Variants in SGTB observed in about 807,000 individuals in gnomAD.
SGTB encodes small glutamine-rich tetratricopeptide repeat-containing protein beta.
A neutral mutation model predicts 43.9 loss-of-function variants in SGTB; 19 were observed. The observed-to-expected ratio is 0.43, with a 90% CI of 0.30 to 0.63. The LOEUF is 0.63. SGTB is among the 30% of genes least tolerant of loss of function. SGTB has a pLI of 0.12. For synonymous variants in SGTB, 116 were observed against 117.3 expected (o/e 0.99, Z 0.07); for missense variants, 304 against 358.9 (o/e 0.85, Z 1.24).
At chr5:65,671,657 G>C (rs1441880820) in intron 10 of SGTB, among the ~76,000 whole-genome samples, 1 of 39,974 alleles carries the variant, frequency 2.5e-5, no homozygotes, top group East Asian at 5.4e-4. Context: ...GGGTGGGGGT[G>C]GGGGGAAGCA....
intron 1 of SGTB, 57 bp from the exon 2 acceptor site, chr5:65,720,886 A>G (rs981527846): frequency 1.3e-6 from 2 of 1,543,294 alleles, no homozygotes; most frequent in Non-Finnish European, 1.7e-6. Context: ...CAGTCAGGAA[A>G]GTCATAAATT....
rs1008640993 is a variant in SGTB, at chr5:65,668,121, T to A, written c.*2125A>T. 1.3e-5 allele frequency: 2 copies of A among 151,822 alleles called. No individual in the cohort carries two copies. The highest frequency in any genetic ancestry group is 4.8e-5 in the African/African-American group (2 of 41,334). The allele number at this position is 151,822 out of a possible 1,614,324, so 9.4% of individuals were successfully genotyped here. ...GTGCCCGCCACCAAGCCAGGCTAAT[T>A]TTTGTATTTTCAGTAGAGGTGGGTT... On this transcript the variant is annotated 3_prime_UTR_variant, in exon 11 of 11. Transcript: ENST00000381007.
At chr5:65,703,955 G>A (rs927491959) in intron 5 of SGTB, among the ~76,000 whole-genome samples, 5 of 145,846 alleles carry the variant, frequency 3.4e-5, no homozygotes, top group South Asian at 2.2e-4. Flanking sequence ...GGAGAAGGGC[G>A]TGAACCCGGG....
intron 8 of SGTB, among the ~76,000 whole-genome samples, chr5:65,674,600 C>G (rs889449938): frequency 7.2e-5 from 11 of 152,298 alleles, no homozygotes; most frequent in Admixed American, 5.9e-4. Context: ...TCTAATAGCT[C>G]TCTCCAAAAA....
At chr5:65,673,387 G>A (rs896770841) in intron 8 of SGTB, among the ~76,000 whole-genome samples, 1 of 152,222 alleles carries the variant, frequency 6.6e-6, no homozygotes, top group Non-Finnish European at 1.5e-5. Flanking sequence ...GAACCAGGCT[G>A]CACAGCAGCA....
At chr5:65,709,052 AT>A (rs1310572907) in intron 3 of SGTB, among the ~76,000 whole-genome samples, 7 of 148,382 alleles carry the variant, frequency 4.7e-5, no homozygotes, top group Middle Eastern at 3.5e-3. Flanking sequence ...AAAAAAAAAA[AT>A]AAGAATATGA....
intron 5 of SGTB, among the ~76,000 whole-genome samples, chr5:65,686,790 C>T (rs1485723735): frequency 3.9e-5 from 6 of 152,152 alleles, no homozygotes; most frequent in Admixed American, 1.3e-4. Context: ...TAAGCACACA[C>T]GAAAACAATA....
intron 10 of SGTB, 120 bp downstream of exon 10, chr5:65,671,795 G>T: frequency 2.3e-6 from 2 of 879,070 alleles, no homozygotes; most frequent in Non-Finnish European, 3.5e-6. Context: ...CATTAAGGAG[G>T]CTAAAGTTAC....
At chr5:65,679,740 T>C (rs777115178) in intron 8 of SGTB, among the ~76,000 whole-genome samples, 1 of 152,264 alleles carries the variant, frequency 6.6e-6, no homozygotes, top group African/African-American at 2.4e-5. Flanking sequence ...TCAACCATTG[T>C]GGAAGACAGT....
In SGTB at chr5:65,685,389, C is replaced by T; in HGVS notation, c.458G>A (p.Ser153Asn). 1 of 1,614,176 alleles carries T rather than the reference C, an allele frequency of 6.2e-7. No individual in the cohort carries two copies. Among genetic ancestry groups the T allele is most frequent in the South Asian group, 1.1e-5 (1 of 91,084 alleles). Residue 153 changes from serine to asparagine, a missense_variant, in exon 6 of 11, where the codon AGC becomes AAC. Ser to Asn is a conservative substitution (Grantham distance 46, BLOSUM62 1). Coordinates refer to ENST00000381007, the MANE Select transcript of SGTB (RefSeq NM_019072.3). Reference sequence around the variant, plus strand: ...TTACCCCATTCTCCCATAGGCCTTGCTGTACTTTGAATCAATTGCTATTGC... The same window carrying T: ...TTACCCCATTCTCCCATAGGCCTTGTTGTACTTTGAATCAATTGCTATTGC... ...EKAIAIDSKY[S>N]KAYGRMGLAL... is the part of the protein sequence containing the mutation.
At chr5:65,706,298 A>C (rs1239648975) in intron 4 of SGTB, among the ~76,000 whole-genome samples, 1 of 152,128 alleles carries the variant, frequency 6.6e-6, no homozygotes, top group African/African-American at 2.4e-5. Flanking sequence ...AGATAGTTTG[A>C]TTTCCATGTC....
chr5:65,674,151 T>C (rs528786998), intron 8 of SGTB, among the ~76,000 whole-genome samples: 73 of 152,362 alleles, frequency 4.8e-4, no homozygotes, highest in African/African-American at 1.4e-3. Flanking sequence ...CAAAAACTAC[T>C]GTGGTTCTCT....
chr5:65,680,773 A>G lies in SGTB; in HGVS notation c.501T>C (p.Asn167=). The G allele has an allele frequency of 6.2e-7, 1 of 1,613,692 alleles. No homozygotes were observed. The highest frequency in any genetic ancestry group is 8.5e-7 in the Non-Finnish European group (1 of 1,179,992). ...GRMGLALTAL[N]KFEEAVTSYQ... ...AACTTGTAACTGCTTCTTCAAATTT[A>G]TTCAAGGCAGTGAGGGCCAGCCTGA... The change falls in exon 7 of 11, where the codon AAT becomes AAC. Residue 167 remains asparagine (N), a synonymous_variant. Coordinates refer to ENST00000381007, the MANE Select transcript of SGTB (RefSeq NM_019072.3).
intron 4 of SGTB, among the ~76,000 whole-genome samples, chr5:65,707,413 C>T (rs1396495016): frequency 1.3e-5 from 2 of 149,664 alleles, no homozygotes; most frequent in Non-Finnish European, 3.0e-5. Flanking sequence ...CACACACACA[C>T]ACACACACAC....
chr5:65,692,789 A>G (rs1371113106), intron 5 of SGTB, among the ~76,000 whole-genome samples: 3 of 152,226 alleles, frequency 2.0e-5, no homozygotes, highest in South Asian at 2.1e-4. Context: ...ATGGTATGAT[A>G]GTTATATGAA....
Position 65,699,594 on chromosome 5 carries a change from C to T in SGTB, c.374+4685G>A, listed in dbSNP as rs571533921. Among the ~76,000 whole-genome samples the T allele has an allele frequency of 2.0e-5, 3 of 152,306 alleles. No homozygotes were observed. In the South Asian group the frequency reaches 6.2e-4, roughly 32 times the overall value. On this transcript the variant is annotated intron_variant, in intron 5 of 10. Transcript: ENST00000381007. ...AGAACCCCTGCTCTTAACCACTTCT[C>T]TATTATAGTTCCAGTAGTTGACTGG...
chr5:65,688,316 G>C (rs998724557), intron 5 of SGTB, among the ~76,000 whole-genome samples: 6 of 152,076 alleles, frequency 3.9e-5, no homozygotes, highest in African/African-American at 1.4e-4. Flanking sequence ...AAATTCACAG[G>C]CCTAGTGTCT....
At chr5:65,710,813 A>T (rs927166815) in intron 3 of SGTB, among the ~76,000 whole-genome samples, 10 of 152,060 alleles carry the variant, frequency 6.6e-5, no homozygotes, top group Non-Finnish European at 1.2e-4. Context: ...AAGATGGGGA[A>T]ACCCCGCCTC....
At chr5:65,720,932 T>A (rs1179337076) in intron 1 of SGTB, 103 bp from the exon 2 acceptor site, 1 of 1,246,922 alleles carries the variant, frequency 8.0e-7, no homozygotes, top group Non-Finnish European at 1.1e-6. Flanking sequence ...GTATTAAAGG[T>A]AAAAACAAAA....
Sources: gnomAD v4.1 joint callset for allele counts (sites outside exome capture counted in the v4.1 genomes callset) on GRCh38, gnomAD v4.1.1 for gene constraint, MANE v1.5 for transcripts, NCBI Gene and HGNC (gene_info 2026-07-23, HGNC 2026-07-21) for gene names.